Variants in TMEM50B observed in about 807,000 individuals in gnomAD.
TMEM50B encodes HCV p7-trans-regulated protein 3.
TMEM50B carries 14 observed loss-of-function variants against 23.4 expected under a neutral mutation model. The observed-to-expected ratio is 0.60, with a 90% CI of 0.39 to 0.93. TMEM50B has a LOEUF of 0.93. Among genes scored for constraint, TMEM50B ranks in the 40% least tolerant of loss-of-function variants. The pLI, the probability that TMEM50B is intolerant of heterozygous loss-of-function variation, is 0.00. For synonymous variants in TMEM50B, 64 were observed against 62.3 expected, an observed-to-expected ratio of 1.03 and a Z score of -0.13; for missense variants, 159 against 193.0, an observed-to-expected ratio of 0.82 and a Z score of 1.04.
At chr21:33,476,398 G>T (rs546170228) in intron 1 of TMEM50B, among the ~76,000 whole-genome samples, 2 of 151,832 alleles carry the variant, frequency 1.3e-5, no homozygotes, top group South Asian at 4.2e-4. Context: ...AATAATAAAA[G>T]AATATATGGA....
intron 5 of TMEM50B, among the ~76,000 whole-genome samples, chr21:33,459,072 T>C (rs1370465299): frequency 1.3e-5 from 2 of 152,216 alleles, no homozygotes; most frequent in Non-Finnish European, 2.9e-5. Flanking sequence ...GACAAAGAGA[T>C]TCCAGAGGTA....
chr21:33,446,300 G>C (rs772252379), downstream of TMEM50B, among the ~76,000 whole-genome samples: 1 of 147,934 alleles, frequency 6.8e-6, no homozygotes, highest in Non-Finnish European at 1.5e-5. Context: ...ACAGTGGCTT[G>C]ATCTGAGCTC....
chr21:33,473,917 A>AAT (rs1188769346), intron 1 of TMEM50B, among the ~76,000 whole-genome samples: 2 of 152,222 alleles, frequency 1.3e-5, no homozygotes, highest in Non-Finnish European at 2.9e-5. Flanking sequence ...CTGACTAAGT[A>AAT]AAAGACAGAA....
downstream of TMEM50B, among the ~76,000 whole-genome samples, chr21:33,444,857 G>A (rs1209200527): frequency 6.6e-6 from 1 of 150,848 alleles, no homozygotes; most frequent in East Asian, 1.9e-4. Flanking sequence ...CTGGCTGGGT[G>A]CAGTGGTTCA....
exon 9 of TMEM50B, chr21:33,432,495 C>T (rs1292780400): frequency 6.9e-6 from 6 of 874,900 alleles, no homozygotes; most frequent in African/African-American, 6.6e-5. Context: ...CTGAGATTTG[C>T]AGTAGTGGAG....
intron 8 of TMEM50B, among the ~76,000 whole-genome samples, chr21:33,435,699 A>G (rs1188980699): frequency 6.6e-6 from 1 of 151,824 alleles, no homozygotes; most frequent in African/African-American, 2.4e-5. Flanking sequence ...CCTGGCCAAC[A>G]GGGTGAAACC....
chr21:33,436,711 C>A (rs1398659693), intron 8 of TMEM50B: 22 of 788,212 alleles, frequency 2.8e-5, no homozygotes, highest in Non-Finnish European at 4.4e-5. Context: ...AAGAGTAAGA[C>A]TCCATCTCAA....
chr21:33,471,693 G>C (rs1394361674), intron 1 of TMEM50B, among the ~76,000 whole-genome samples: 2 of 152,216 alleles, frequency 1.3e-5, no homozygotes, highest in East Asian at 1.9e-4. Context: ...AGGCAACATA[G>C]CAAGACCCTG....
At chr21:33,448,452 G>A (rs1568974228), downstream of TMEM50B, among the ~76,000 whole-genome samples, 2 of 152,018 alleles carry the variant, frequency 1.3e-5, no homozygotes. Context: ...ACCCAGAACA[G>A]CATAGTGAGA....
intron 2 of TMEM50B, chr21:33,468,303 G>A (rs1289674199): frequency 1.3e-5 from 2 of 152,754 alleles, no homozygotes; most frequent in African/African-American, 4.8e-5. Flanking sequence ...CTCTTCCTCT[G>A]ATGCTCCCCT....
At chr21:33,433,087 T>A (rs559219805) in intron 8 of TMEM50B, among the ~76,000 whole-genome samples, 2 of 152,270 alleles carry the variant, frequency 1.3e-5, no homozygotes, top group East Asian at 3.9e-4. Flanking sequence ...GGTTTTGCTA[T>A]GTTGGCCAGA....
chr21:33,453,243 C>A (rs2084138715), intron 6 of TMEM50B, among the ~76,000 whole-genome samples: 2 of 152,112 alleles, frequency 1.3e-5, no homozygotes, highest in Admixed American at 6.6e-5. Flanking sequence ...GCATGCACCA[C>A]CATGCCCAGC....
intron 4 of TMEM50B, among the ~76,000 whole-genome samples, chr21:33,464,208 T>C (rs2123441718): frequency 6.6e-6 from 1 of 151,278 alleles, no homozygotes; most frequent in African/African-American, 2.4e-5. Context: ...ATTTTTTTTT[T>C]TTTTTTGAGA....
rs1440988267 is a variant in TMEM50B, at chr21:33,449,535, C to T, written c.*1283G>A. ...TACAAACAGTGCAAATACAGTACTG[C>T]AAACTCAGTAAAAGGAGTTTTTGAT... On this transcript the variant is annotated 3_prime_UTR_variant, in exon 7 of 7. Transcript: ENST00000542230. 1 of 152,342 alleles carries T rather than the reference C, an allele frequency of 6.6e-6. No homozygotes were observed. Among genetic ancestry groups the T allele is most frequent in the Admixed American group, 6.6e-5 (1 of 15,264 alleles). The allele number at this position is 152,342 out of a possible 1,614,324, so 9.4% of individuals were successfully genotyped here.
chr21:33,474,219 G>A (rs1192289355), intron 1 of TMEM50B, among the ~76,000 whole-genome samples: 1 of 143,654 alleles, frequency 7.0e-6, no homozygotes. Context: ...TTTTTTTTAA[G>A]AGAGACAGGG....
At chr21:33,433,238 C>G (rs1375558324) in intron 8 of TMEM50B, among the ~76,000 whole-genome samples, 2 of 152,234 alleles carry the variant, frequency 1.3e-5, no homozygotes, top group Non-Finnish European at 2.9e-5. Flanking sequence ...CTGGCAACCC[C>G]TAAGAGTGCA....
intron 8 of TMEM50B, chr21:33,432,987 G>T: frequency 1.2e-6 from 1 of 859,002 alleles, no homozygotes; most frequent in Non-Finnish European, 1.9e-6. Flanking sequence ...CCAGGTTCAA[G>T]CGATTCTCCT....
chr21:33,466,691 T>C (rs2084267185), intron 3 of TMEM50B, among the ~76,000 whole-genome samples: 2 of 152,120 alleles, frequency 1.3e-5, no homozygotes, highest in Admixed American at 1.3e-4. Flanking sequence ...GACTGTAAGA[T>C]GCATCCTGAT....
intron 1 of TMEM50B, among the ~76,000 whole-genome samples, chr21:33,471,275 A>C (rs1263993213): frequency 6.6e-6 from 1 of 152,226 alleles, no homozygotes; most frequent in African/African-American, 2.4e-5. Flanking sequence ...ACTGCCTGTT[A>C]CAATAAAAAG....
Sources: gnomAD v4.1 joint callset for allele counts (sites outside exome capture counted in the v4.1 genomes callset) on GRCh38, gnomAD v4.1.1 for gene constraint, MANE v1.5 for transcripts, NCBI Gene and HGNC (gene_info 2026-07-23, HGNC 2026-07-21) for gene names.